The following SLC27A4 variants were observed in gnomAD, a reference collection of about 807,000 sequenced individuals.
SLC27A4 encodes solute carrier family 27 member 4, also known as long-chain fatty acid transport protein 4.
Under a neutral mutation model 64.4 loss-of-function variants are expected in SLC27A4, and 33 were observed. The observed-to-expected ratio is 0.51, with a 90% CI of 0.39 to 0.68. The LOEUF (loss-of-function observed/expected upper bound fraction) is 0.68. Among genes scored for constraint, SLC27A4 ranks in the 30% least tolerant of loss-of-function variants. The pLI is 0.00. For synonymous variants in SLC27A4, 377 were observed against 370.0 expected, an observed-to-expected ratio of 1.02 and a Z score of -0.22; for missense variants, 824 against 883.5, an observed-to-expected ratio of 0.93 and a Z score of 0.85.
rs587776386 is a variant in SLC27A4 at position 128,360,463 on chromosome 9, G to A, written c.1904G>A (p.Arg635His). Reference protein sequence around the residue: ...YVPLDQEAYSRIQAGEEKL With the variant: ...YVPLDQEAYSHIQAGEEKL ...CCGCTGGACCAAGAGGCCTACAGCC[G>A]CATCCAGGCAGGCGAGGAGAAGCTG... The change falls in exon 13 of 13, where the codon CGC (arginine) becomes CAC (histidine). Residue 635 changes from arginine (R) to histidine (H), a missense_variant. Arg to His is a conservative substitution (Grantham distance 29). Transcript: ENST00000300456. 13 of 1,613,912 alleles carry A rather than the reference G, an allele frequency of 8.1e-6. No homozygotes were observed. The highest frequency in any genetic ancestry group is 5.3e-5 in the African/African-American group (4 of 74,928).
Position 128,355,810 on chromosome 9 carries a change from C to T in SLC27A4, c.1774+14C>T, listed in dbSNP as rs1196750490. On this transcript the variant is annotated intron_variant, in intron 12 of 12. Transcript: ENST00000300456. Reference sequence around the variant, plus strand: ...TGCACAAAACAGGTGTGTCCCTCCCCTGCTCCAGCTCTCGGATCCCAGGTC... The same window carrying T: ...TGCACAAAACAGGTGTGTCCCTCCCTTGCTCCAGCTCTCGGATCCCAGGTC... 6.2e-7 allele frequency: 1 copy of T among 1,612,328 alleles called. No individual in the cohort carries two copies. The highest frequency in any genetic ancestry group is 8.5e-7 in the Non-Finnish European group (1 of 1,180,042).
chr9:128,354,097 C>A (rs1210598022), intron 9 of SLC27A4, among the ~76,000 whole-genome samples: 1 of 152,034 alleles, frequency 6.6e-6, no homozygotes, highest in African/African-American at 2.4e-5. Flanking sequence ...GCAAACCCCA[C>A]CATGCCCGGC....
chr9:128,355,883 C>T, intron 12 of SLC27A4, 87 bp downstream of exon 12: 1 of 1,565,216 alleles, frequency 6.4e-7, no homozygotes, highest in Non-Finnish European at 8.7e-7. Flanking sequence ...TACTTGACCT[C>T]TGCACACAGC....
At chr9:128,342,199 T>C (rs748918677) in intron 1 of SLC27A4, 2 of 1,570,254 alleles carry the variant, frequency 1.3e-6, no homozygotes, top group Admixed American at 3.3e-5. Flanking sequence ...TCGCTCGTTC[T>C]CGCATGCCTC....
chr9:128,356,326 C>T (rs1218629524), intron 12 of SLC27A4, among the ~76,000 whole-genome samples: 1 of 152,110 alleles, frequency 6.6e-6, no homozygotes, highest in Non-Finnish European at 1.5e-5. Context: ...GTAAAGCCCC[C>T]GAAGCAGGAA....
chr9:128,348,488 G>A, intron 3 of SLC27A4, 57 bp from the exon 4 acceptor site: 12 of 1,604,222 alleles, frequency 7.5e-6, no homozygotes, highest in Non-Finnish European at 1.0e-5. Flanking sequence ...GGGAGCAGAG[G>A]TCCCTGGGAA....
Position 128,360,434 on chromosome 9 carries a change from C to T in SLC27A4, c.1875C>T (p.Tyr625=), listed in dbSNP as rs763764188. The T allele has an allele frequency of 1.9e-5, 31 of 1,614,004 alleles. 1 individual carries two copies. The highest frequency in any genetic ancestry group is 1.4e-4 in the South Asian group (13 of 91,088). The change falls in exon 13 of 13, where the codon TAC becomes TAT. Residue 625 remains tyrosine (Y), a synonymous_variant. Coordinates refer to ENST00000300456, the MANE Select transcript of SLC27A4 (RefSeq NM_005094.4). ...ATCTAGATGCCCAGAAGGGCCGCTA[C>T]GTCCCGCTGGACCAAGAGGCCTACA... ...LFYLDAQKGR[Y]VPLDQEAYSR... is the part of the protein sequence containing the mutation.
chr9:128,359,422 G>A (rs555674452), intron 12 of SLC27A4, among the ~76,000 whole-genome samples: 3 of 152,230 alleles, frequency 2.0e-5, no homozygotes, highest in South Asian at 4.2e-4. Context: ...TCAGGAGTTC[G>A]AGACCAGCCT....
chr9:128,340,825 G>A lies in SLC27A4; in HGVS notation c.-20G>A, dbSNP rs1258734652. 8.8e-6 allele frequency: 6 copies of A among 685,506 alleles called. No homozygotes were observed. The highest frequency in any genetic ancestry group is 1.5e-5 in the South Asian group (1 of 65,158). The allele number at this position is 685,506 out of a possible 1,614,324, so 42.5% of individuals were successfully genotyped here. A position where few individuals can be genotyped will look rare whatever the true frequency, so the allele number is the denominator to read the frequency against. On this transcript the variant is annotated 5_prime_UTR_variant, in exon 1 of 13. Coordinates refer to ENST00000300456, the MANE Select transcript of SLC27A4 (RefSeq NM_005094.4). Reference sequence around the variant, plus strand: ...GCATCTGGACGGGGCGCCGCGCGGCGGAGCCGACGCCGGGTGAGCATAGAC... The same window carrying A: ...GCATCTGGACGGGGCGCCGCGCGGCAGAGCCGACGCCGGGTGAGCATAGAC...
chr9:128,350,654 A>G, intron 6 of SLC27A4, 79 bp downstream of exon 6: 2 of 1,123,954 alleles, frequency 1.8e-6, no homozygotes, highest in Middle Eastern at 1.9e-4. Flanking sequence ...AGTGTGCTGC[A>G]GTAGAAACAC....
rs1198184477 is a variant in SLC27A4, at chr9:128,355,035, C to G, written c.1325-18C>G. ...GAGGCTGCCTAGGGCAGATCTGACC[C>G]TGCCTTCCCCACCCCAGGTGAGCCG... is the stretch of plus-strand genomic sequence containing the variant. On this transcript the variant is annotated intron_variant, in intron 9 of 12. Coordinates refer to ENST00000300456, the MANE Select transcript of SLC27A4 (RefSeq NM_005094.4). 1.9e-6 allele frequency: 3 copies of G among 1,608,800 alleles called. No individual in the cohort carries two copies. Among genetic ancestry groups the G allele is most frequent in the Non-Finnish European group, 2.5e-6 (3 of 1,177,986 alleles).
intron 12 of SLC27A4, among the ~76,000 whole-genome samples, chr9:128,358,113 C>T (rs79808669): frequency 0.043 from 6,515 of 152,298 alleles, 257 homozygotes; most frequent in East Asian, 0.19. Flanking sequence ...TTTATTGATG[C>T]ATAATTCTGT....
Position 128,360,548 on chromosome 9 carries a change from C to T in SLC27A4, c.*57C>T, listed in dbSNP as rs1832887255. 1.3e-6 allele frequency: 2 copies of T among 1,597,148 alleles called. No homozygotes were observed. Among genetic ancestry groups the T allele is most frequent in the Non-Finnish European group, 8.6e-7 (1 of 1,168,406 alleles). ...CTGGATCCGGAGCCCCAGGTTCCGCCCCAGAGCGGTCCTGGACAAGGCCAG... is the reference window on the plus strand; with the variant it reads ...CTGGATCCGGAGCCCCAGGTTCCGCTCCAGAGCGGTCCTGGACAAGGCCAG... On this transcript the variant is annotated 3_prime_UTR_variant, in exon 13 of 13. Coordinates refer to ENST00000300456, the MANE Select transcript of SLC27A4 (RefSeq NM_005094.4).
chr9:128,344,399 G>A (rs1225712341), intron 2 of SLC27A4, among the ~76,000 whole-genome samples: 1 of 152,016 alleles, frequency 6.6e-6, no homozygotes, highest in Non-Finnish European at 1.5e-5. Context: ...CACACCTGTG[G>A]TTCCAGCTAC....
At chr9:128,349,616 G>A (rs545017552) in intron 4 of SLC27A4, among the ~76,000 whole-genome samples, 1 of 152,266 alleles carries the variant, frequency 6.6e-6, no homozygotes, top group East Asian at 1.9e-4. Context: ...TGCCCTCATA[G>A]TGCCTAGGGC....
chr9:128,360,493 TCC>T lies in SLC27A4; in HGVS notation c.*7_*8del. On this transcript the variant is annotated 3_prime_UTR_variant, in exon 13 of 13. Coordinates refer to ENST00000300456, the MANE Select transcript of SLC27A4 (RefSeq NM_005094.4). The stretch of plus-strand genomic sequence containing the variant: ...CAGGCAGGCGAGGAGAAGCTGTGAT[TCC>T]CCCCATCCCTCTGAGGGCCGGCGGA... 2 of 1,613,606 alleles carry T rather than the reference TCC, an allele frequency of 1.2e-6. No homozygotes were observed. The highest frequency in any genetic ancestry group is 1.7e-6 in the Non-Finnish European group (2 of 1,179,968).
chr9:128,342,727 A>G (rs1832594381), intron 1 of SLC27A4: 1 of 338,624 alleles, frequency 3.0e-6, no homozygotes, highest in Non-Finnish European at 5.8e-6. Flanking sequence ...TGGAATGCAC[A>G]GTTTTTTTAA....
intron 1 of SLC27A4, 130 bp from the exon 2 acceptor site, chr9:128,342,997 C>T: frequency 8.1e-7 from 1 of 1,227,280 alleles, no homozygotes; most frequent in Non-Finnish European, 1.2e-6. Flanking sequence ...GGTCAGTCAC[C>T]CAACTCAGTA....
chr9:128,351,141 G>T (rs950306595), intron 6 of SLC27A4, among the ~76,000 whole-genome samples: 1 of 152,076 alleles, frequency 6.6e-6, no homozygotes, highest in East Asian at 1.9e-4. Context: ...GCGTGTGCCT[G>T]TAGTCCCAGC....
Sources: gnomAD v4.1 joint callset for allele counts (sites outside exome capture counted in the v4.1 genomes callset) on GRCh38, gnomAD v4.1.1 for gene constraint, MANE v1.5 for transcripts, NCBI Gene and HGNC (gene_info 2026-07-23, HGNC 2026-07-21) for gene names.